SIPA1L3: variants seen among roughly 807,000 people sequenced by gnomAD.
SIPA1L3 encodes the protein signal-induced proliferation-associated 1-like protein 3.
SIPA1L3 carries 59 observed loss-of-function variants against 150.1 expected under a neutral mutation model. The ratio of observed to expected loss-of-function variants is 0.39; its 90% CI spans 0.32 to 0.49. The LOEUF is 0.49. Among genes scored for constraint, SIPA1L3 ranks in the 20% least tolerant of loss-of-function variants. The pLI, the probability that SIPA1L3 is intolerant of heterozygous loss-of-function variation, is 0.86. For missense variants in SIPA1L3, 2,211 were observed against 2,489.5 expected (o/e 0.89, Z 2.38); for synonymous variants, 1,070 against 1,077.6 (o/e 0.99, Z 0.14).
intron 2 of SIPA1L3, among the ~76,000 whole-genome samples, chr19:38,066,436 A>G (rs1160970379): frequency 1.3e-5 from 2 of 152,214 alleles, no homozygotes; most frequent in African/African-American, 4.8e-5. Flanking sequence ...TATTACAGCA[A>G]TGTAAAACAG....
chr19:38,142,777 C>G (rs1319892885), intron 12 of SIPA1L3, 67 bp downstream of exon 12: 1 of 1,524,316 alleles, frequency 6.6e-7, no homozygotes, highest in African/African-American at 1.4e-5. Flanking sequence ...TCTTCCCCAG[C>G]AAATGCACAC....
intron 16 of SIPA1L3, among the ~76,000 whole-genome samples, chr19:38,187,452 C>CA (rs1298836478): frequency 6.8e-6 from 1 of 146,038 alleles, no homozygotes; most frequent in African/African-American, 2.5e-5. Flanking sequence ...AACTCTTTCT[C>CA]AAAAAAAAGA....
At chr19:38,137,320 C>A (rs1182227466) in intron 10 of SIPA1L3, among the ~76,000 whole-genome samples, 1 of 152,084 alleles carries the variant, frequency 6.6e-6, no homozygotes, top group Non-Finnish European at 1.5e-5. Context: ...CCCCTAGTAG[C>A]TGAGATTATA....
chr19:38,155,697 CAG>C (rs1387343247), intron 13 of SIPA1L3, among the ~76,000 whole-genome samples: 1 of 152,152 alleles, frequency 6.6e-6, no homozygotes, highest in Non-Finnish European at 1.5e-5. Context: ...CTGACCCCAT[CAG>C]CACACCAGCT....
intron 1 of SIPA1L3, among the ~76,000 whole-genome samples, chr19:37,945,868 C>T (rs2046706109): frequency 6.6e-6 from 1 of 151,856 alleles, no homozygotes; most frequent in Non-Finnish European, 1.5e-5. Context: ...TTTTTAAAGA[C>T]TTGTGGCTGG....
At chr19:37,955,252 G>A (rs1484791171) in intron 1 of SIPA1L3, among the ~76,000 whole-genome samples, 2 of 151,950 alleles carry the variant, frequency 1.3e-5, no homozygotes, top group African/African-American at 4.8e-5. Flanking sequence ...TTAGCCAGGT[G>A]TGTTGGCACA....
chr19:38,093,941 A>C (rs1323042060), intron 4 of SIPA1L3, among the ~76,000 whole-genome samples: 1 of 152,166 alleles, frequency 6.6e-6, no homozygotes, highest in Admixed American at 6.5e-5. Context: ...CACCCAGGAC[A>C]CTGGGGACAG....
chr19:38,081,491 T>C lies in SIPA1L3; in HGVS notation c.-75T>C. On this transcript the variant is annotated 5_prime_UTR_variant, in exon 3 of 22. The change abolishes an upstream ATG in the 5' untranslated region. Transcript: ENST00000222345. ...TCCTGGGCCTGGCTGCCCTGAACAA[T>C]GGCTGAGGGCTGGGGGACCCCATAG... 2 of 1,419,066 alleles carry C rather than the reference T, an allele frequency of 1.4e-6. No homozygotes were observed. Among genetic ancestry groups the C allele is most frequent in the South Asian group, 2.7e-5 (2 of 73,722 alleles). 87.9% of individuals were successfully genotyped at this position (1,419,066 alleles called of 1,614,324 possible). A position where few individuals can be genotyped will look rare whatever the true frequency, so the allele number is the denominator to read the frequency against.
At chr19:37,933,125 C>G (rs1272074493) in intron 1 of SIPA1L3, among the ~76,000 whole-genome samples, 1 of 152,156 alleles carries the variant, frequency 6.6e-6, no homozygotes, top group Non-Finnish European at 1.5e-5. Flanking sequence ...CTGAGCGGTG[C>G]TCAAGTCCCC....
chr19:37,990,619 C>G (rs1967479782), intron 1 of SIPA1L3, among the ~76,000 whole-genome samples: 1 of 152,220 alleles, frequency 6.6e-6, no homozygotes. Flanking sequence ...CCGCCCCAGT[C>G]TGGGCTAACG....
At chr19:38,133,925 C>T (rs1316711493) in intron 10 of SIPA1L3, among the ~76,000 whole-genome samples, 1 of 152,070 alleles carries the variant, frequency 6.6e-6, no homozygotes, top group African/African-American at 2.4e-5. Flanking sequence ...CAGAAGATCA[C>T]TTGAGCCCAG....
At position 38,106,567 on chromosome 19, in the gene SIPA1L3, C is replaced by T. The variant is rs746730570; in HGVS notation, c.2060C>T (p.Thr687Met). The T allele has an allele frequency of 8.1e-6, 13 of 1,613,700 alleles. No individual in the cohort carries two copies. The East Asian group carries it at 1.8e-4, about 22-fold the overall frequency. The change falls in exon 7 of 22, where the codon ACG becomes ATG. Residue 687 changes from threonine (T) to methionine (M), a missense_variant. Around this residue, in one of 5 missense-constraint regions of SIPA1L3, gnomAD observed 625 missense variants for 804.2 expected, o/e 0.78. Coordinates refer to ENST00000222345, the MANE Select transcript of SIPA1L3 (RefSeq NM_015073.3). The stretch of plus-strand genomic sequence containing the variant: ...TCCACGGGAACCCACTCCCTCTACA[C>T]GATGTACCAGGACTACGAGATCATG... ...TDSTGTHSLY[T>M]MYQDYEIMFH...
chr19:38,138,901 A>AAAAAAAAAAAAC (rs1024868880), intron 10 of SIPA1L3, among the ~76,000 whole-genome samples: 3 of 145,708 alleles, frequency 2.1e-5, no homozygotes, highest in Non-Finnish European at 4.5e-5. Flanking sequence ...CTATCTCAAA[A>AAAAAAAAAAAAC]AAAAAAAAAA....
intron 1 of SIPA1L3, among the ~76,000 whole-genome samples, chr19:37,986,958 C>T (rs1259213557): frequency 6.6e-6 from 1 of 152,132 alleles, no homozygotes; most frequent in Non-Finnish European, 1.5e-5. Context: ...GATAGAGTCT[C>T]ACTGTGTCAC....
intron 5 of SIPA1L3, 148 bp downstream of exon 5, chr19:38,100,298 A>G (rs1427366376): frequency 2.7e-5 from 17 of 637,822 alleles, no homozygotes; most frequent in African/African-American, 3.8e-5. Context: ...GAGGGATTCA[A>G]ATCAAATTCT....
In SIPA1L3 at chr19:38,082,600, G is replaced by A. The variant is rs766524038; in HGVS notation, c.1035G>A (p.Val345=). 1.2e-6 allele frequency: 2 copies of A among 1,604,258 alleles called. No homozygotes were observed. The highest frequency in any genetic ancestry group is 2.2e-5 in the South Asian group (2 of 91,086). ...VCQKSFAHFD[V]QSMLFDLNEA... ...AGAAGAGCTTCGCCCACTTCGACGT[G>A]CAGAGCATGCTGTTCGACCTCAACG... Residue 345 remains valine (V), a synonymous_variant, in exon 3 of 22, where the codon GTG becomes GTA. Transcript: ENST00000222345.
intron 1 of SIPA1L3, among the ~76,000 whole-genome samples, chr19:37,910,886 G>A (rs977821702): frequency 5.3e-5 from 8 of 152,156 alleles, no homozygotes; most frequent in African/African-American, 1.2e-4. Flanking sequence ...GTGAGCCACC[G>A]TGCCTGGCCT....
chr19:38,043,855 C>A (rs557993334), intron 2 of SIPA1L3, among the ~76,000 whole-genome samples: 1 of 152,218 alleles, frequency 6.6e-6, no homozygotes, highest in African/African-American at 2.4e-5. Context: ...GGGCCTTTTC[C>A]TTACATGGAT....
intron 6 of SIPA1L3, among the ~76,000 whole-genome samples, chr19:38,103,653 G>A (rs532800647): frequency 2.0e-5 from 3 of 150,594 alleles, no homozygotes; most frequent in South Asian, 2.1e-4. Context: ...GGCCGGGCGC[G>A]GTGGTTCACG....
Sources: gnomAD v4.1 joint callset for allele counts (sites outside exome capture counted in the v4.1 genomes callset) on GRCh38, gnomAD v4.1.1 for gene constraint, gnomAD v4.1.1 regional missense constraint, MANE v1.5 for transcripts, NCBI Gene and HGNC (gene_info 2026-07-23, HGNC 2026-07-21) for gene names.